The following SEMA3E variants were observed in gnomAD, a reference collection of about 807,000 sequenced individuals.
SEMA3E encodes semaphorin-3E.
SEMA3E carries 49 observed loss-of-function variants against 93.6 expected under a neutral mutation model. The ratio of observed to expected loss-of-function variants is 0.52; its 90% CI spans 0.42 to 0.66. SEMA3E has a LOEUF of 0.66. Among genes scored for constraint, SEMA3E ranks in the 30% least tolerant of loss-of-function variants. SEMA3E has a pLI of 0.00. For missense variants in SEMA3E, 906 were observed against 964.8 expected, an observed-to-expected ratio of 0.94 and a Z score of 0.81; for synonymous variants, 363 against 330.7, an observed-to-expected ratio of 1.10 and a Z score of -1.06.
At chr7:83,490,590 G>A (rs1790363030) in intron 1 of SEMA3E, among the ~76,000 whole-genome samples, 1 of 151,950 alleles carries the variant, frequency 6.6e-6, no homozygotes, top group South Asian at 2.1e-4. Context: ...ATGTATAATG[G>A]TTCCAAATCT....
intron 1 of SEMA3E, among the ~76,000 whole-genome samples, chr7:83,567,931 A>AC (rs1792197389): frequency 2.0e-5 from 3 of 151,988 alleles, no homozygotes; most frequent in African/African-American, 7.2e-5. Flanking sequence ...AATAGAGAGT[A>AC]AAATATACAA....
At chr7:83,532,125 A>T (rs1262358540) in intron 1 of SEMA3E, among the ~76,000 whole-genome samples, 3 of 152,226 alleles carry the variant, frequency 2.0e-5, no homozygotes, top group Non-Finnish European at 4.4e-5. Flanking sequence ...CATTAAAAAA[A>T]TTAGGAATCT....
intron 1 of SEMA3E, among the ~76,000 whole-genome samples, chr7:83,567,338 TAGAC>T (rs1470760822): frequency 3.9e-5 from 6 of 152,240 alleles, no homozygotes; most frequent in South Asian, 2.1e-4. Context: ...CTCTCAACCT[TAGAC>T]AGACTATTTA....
chr7:83,553,847 A>G (rs1025956047), intron 1 of SEMA3E, among the ~76,000 whole-genome samples: 4 of 152,160 alleles, frequency 2.6e-5, no homozygotes, highest in Admixed American at 6.5e-5. Flanking sequence ...TTAGGTCAAA[A>G]TGTTTATATT....
intron 1 of SEMA3E, among the ~76,000 whole-genome samples, chr7:83,519,049 C>T (rs887772284): frequency 4.6e-5 from 7 of 151,710 alleles, no homozygotes; most frequent in Non-Finnish European, 8.8e-5. Flanking sequence ...TATACATGTG[C>T]CATGCTGGTG....
At chr7:83,637,177 T>C (rs1011044127) in intron 1 of SEMA3E, among the ~76,000 whole-genome samples, 8 of 152,076 alleles carry the variant, frequency 5.3e-5, no homozygotes, top group African/African-American at 1.9e-4. Flanking sequence ...GTATGGTACA[T>C]TTATCAGAGT....
rs1562756842 is a variant in SEMA3E at position 83,387,851 on chromosome 7, T to TTTATATATATATAACATTATATATG, written c.1668-802_1668-801insCATATATAATGTTATATATATATAA. Among the ~76,000 whole-genome samples the TTTATATATATATAACATTATATATG allele has an allele frequency of 1.8e-4, 21 of 119,720 alleles. No individual in the cohort carries two copies. The East Asian group carries it at 1.9e-3, about 11-fold the overall frequency. 78.5% of individuals were successfully genotyped at this position (119,720 alleles called of 152,430 possible). A position where few individuals can be genotyped will look rare whatever the true frequency, so the allele number is the denominator to read the frequency against. The stretch of plus-strand genomic sequence containing the variant: ...ATATATATATAACGTTATATATATG[T>TTTATATATATATAACATTATATATG]TTATATATATATAACATTATATATA... On this transcript the variant is annotated intron_variant, in intron 14 of 16. Transcript: ENST00000643230.
intron 13 of SEMA3E, 124 bp downstream of exon 13, chr7:83,394,173 A>C: frequency 9.4e-7 from 1 of 1,065,040 alleles, no homozygotes; most frequent in South Asian, 1.5e-5. Context: ...AAGTAATAAA[A>C]GAAAAATAAA....
intron 4 of SEMA3E, among the ~76,000 whole-genome samples, chr7:83,421,862 C>A (rs1788673753): frequency 2.0e-5 from 2 of 98,858 alleles, no homozygotes; most frequent in Non-Finnish European, 5.3e-5. Flanking sequence ...CTACTACCAT[C>A]CAGTCTTATC....
At chr7:83,547,112 A>G (rs1791667400) in intron 1 of SEMA3E, among the ~76,000 whole-genome samples, 1 of 152,146 alleles carries the variant, frequency 6.6e-6, no homozygotes, top group Admixed American at 6.6e-5. Context: ...AAAACCACCA[A>G]ATGTTAACTG....
chr7:83,629,040 G>A (rs1426771682), intron 1 of SEMA3E, among the ~76,000 whole-genome samples: 1 of 152,066 alleles, frequency 6.6e-6, no homozygotes, highest in Non-Finnish European at 1.5e-5. Flanking sequence ...TAACAGTCAG[G>A]CTCCTCTTCT....
chr7:83,617,958 TAA>T (rs1793415487), intron 1 of SEMA3E, among the ~76,000 whole-genome samples: 1 of 152,046 alleles, frequency 6.6e-6, no homozygotes, highest in African/African-American at 2.4e-5. Flanking sequence ...TCATCTGCTA[TAA>T]ATAGAAAAGA....
chr7:83,408,248 A>T, intron 6 of SEMA3E, 120 bp downstream of exon 6: 1 of 1,151,922 alleles, frequency 8.7e-7, no homozygotes, highest in Non-Finnish European at 1.3e-6. Context: ...CTAGTAAAAC[A>T]TTCTGAAATT....
intron 1 of SEMA3E, among the ~76,000 whole-genome samples, chr7:83,582,644 T>C (rs57215561): frequency 0.27 from 41,394 of 152,092 alleles, 6,171 homozygotes; most frequent in East Asian, 0.4. Flanking sequence ...TTTATCAAAA[T>C]AATTTAATAT....
At chr7:83,455,322 C>T (rs1584259583) in intron 4 of SEMA3E, among the ~76,000 whole-genome samples, 1 of 152,294 alleles carries the variant, frequency 6.6e-6, no homozygotes, top group South Asian at 2.1e-4. Flanking sequence ...AGATGGCCCA[C>T]ACATTCATCC....
At position 83,569,737 on chromosome 7, in the gene SEMA3E, A is replaced by C. The variant is rs558525533; in HGVS notation, c.115+78691T>G. Reference sequence around the variant, plus strand: ...TCGGAGCACTGAGATTCATAAAACAAGTTCTCCTTGACTATGACAGCCACA... The same window carrying C: ...TCGGAGCACTGAGATTCATAAAACACGTTCTCCTTGACTATGACAGCCACA... On this transcript the variant is annotated intron_variant, in intron 1 of 16. Transcript: ENST00000643230. Among the ~76,000 whole-genome samples, 7 of 152,324 alleles carry C rather than the reference A, an allele frequency of 4.6e-5. No homozygotes were observed. The East Asian group carries it at 1.4e-3, about 29-fold the overall frequency.
At chr7:83,594,445 T>G (rs1002782682) in intron 1 of SEMA3E, among the ~76,000 whole-genome samples, 4 of 152,040 alleles carry the variant, frequency 2.6e-5, no homozygotes, top group Non-Finnish European at 5.9e-5. Flanking sequence ...TGGAAAAGGA[T>G]CAGACTAATC....
chr7:83,364,258 T>A lies in SEMA3E; in HGVS notation c.*3328A>T. ...TCATGCTTAACACCAACACTCAAAA[T>A]GACTTATAGTATTTTACAAATTTTA... On this transcript the variant is annotated 3_prime_UTR_variant, in exon 17 of 17. Coordinates refer to ENST00000643230, the MANE Select transcript of SEMA3E (RefSeq NM_012431.3). 6.6e-6 allele frequency: 1 copy of A among 152,194 alleles called. No individual in the cohort carries two copies. The highest frequency in any genetic ancestry group is 1.5e-5 in the Non-Finnish European group (1 of 68,040). The allele number at this position is 152,194 out of a possible 1,614,324, so 9.4% of individuals were successfully genotyped here.
At chr7:83,405,070 A>T (rs1788301268) in intron 9 of SEMA3E, among the ~76,000 whole-genome samples, 1 of 151,976 alleles carries the variant, frequency 6.6e-6, no homozygotes, top group Non-Finnish European at 1.5e-5. Context: ...TGGCTTGGAA[A>T]ATTCTATGTG....
Sources: gnomAD v4.1 joint callset for allele counts (sites outside exome capture counted in the v4.1 genomes callset) on GRCh38, gnomAD v4.1.1 for gene constraint, MANE v1.5 for transcripts, NCBI Gene and HGNC (gene_info 2026-07-23, HGNC 2026-07-21) for gene names.